Variants in MTA3 observed in about 807,000 individuals in gnomAD.
The protein encoded by MTA3 is metastasis-associated protein MTA3.
In MTA3, 34 loss-of-function variants were observed where a neutral mutation model predicts 83.5. That is an observed-to-expected ratio of 0.41 (90% CI 0.31 to 0.54). MTA3 has a LOEUF of 0.54. Ranked by LOEUF, MTA3 falls within the 20% of genes least tolerant of loss-of-function variation. MTA3 has a pLI of 0.33. For synonymous variants in MTA3, 303 were observed against 252.7 expected (o/e 1.20, Z -1.89); for missense variants, 761 against 726.4 (o/e 1.05, Z -0.55).
chr2:42,561,088 T>C (rs1677653938), intron 2 of MTA3, among the ~76,000 whole-genome samples: 1 of 152,180 alleles, frequency 6.6e-6, no homozygotes, highest in Non-Finnish European at 1.5e-5. Context: ...TTCCATGTCA[T>C]GATCAGGTCA....
intron 7 of MTA3, among the ~76,000 whole-genome samples, chr2:42,659,273 T>A (rs1371785137): frequency 5.3e-5 from 8 of 152,196 alleles, no homozygotes; most frequent in Non-Finnish European, 1.2e-4. Context: ...TCTTTTTAAA[T>A]GAGATTTTAG....
chr2:42,723,021 A>T lies in MTA3; in HGVS notation c.1745A>T (p.His582Leu), dbSNP rs1667540291. The T allele has an allele frequency of 1.3e-6, 2 of 1,550,870 alleles. No homozygotes were observed. Among genetic ancestry groups the T allele is most frequent in the Non-Finnish European group, 1.7e-6 (2 of 1,147,026 alleles). The change falls in exon 16 of 17, where the codon CAC (histidine) becomes CTC (leucine). Residue 582 changes from histidine (H) to leucine (L), a missense_variant. Transcript: ENST00000405094. ...CTGGGGAAAAGAAACTACAGTCATC[A>T]CAATGGTCTGGATGGTATGTAAGCC... ...SILGKRNYSH[H>L]NGLDELTCCV...
At chr2:42,598,426 G>T (rs973499561) in intron 3 of MTA3, among the ~76,000 whole-genome samples, 13 of 152,102 alleles carry the variant, frequency 8.5e-5, no homozygotes, top group African/African-American at 3.1e-4. Flanking sequence ...TATTTAGGTA[G>T]TCCAAAGTAT....
intron 2 of MTA3, among the ~76,000 whole-genome samples, chr2:42,532,026 G>GA (rs1199722325): frequency 6.6e-6 from 1 of 151,992 alleles, no homozygotes; most frequent in East Asian, 1.9e-4. Context: ...AAAGTGTTGG[G>GA]ATTATAGGTG....
intron 16 of MTA3, among the ~76,000 whole-genome samples, chr2:42,749,648 A>G (rs1341933258): frequency 6.6e-6 from 1 of 151,844 alleles, no homozygotes; most frequent in South Asian, 2.1e-4. Context: ...TTGTAGTTTT[A>G]GGAGAGACAG....
At chr2:42,596,383 T>C (rs1180407174) in intron 3 of MTA3, among the ~76,000 whole-genome samples, 1 of 152,248 alleles carries the variant, frequency 6.6e-6, no homozygotes, top group Non-Finnish European at 1.5e-5. Context: ...AGCATTAAAG[T>C]AATCAACTTT....
At chr2:42,700,903 T>C (rs1693807189) in intron 11 of MTA3, among the ~76,000 whole-genome samples, 1 of 152,060 alleles carries the variant, frequency 6.6e-6, no homozygotes, top group Admixed American at 6.6e-5. Flanking sequence ...GAGTTTGAGA[T>C]CAGTCTGCAC....
At chr2:42,567,673 T>C (rs1677981211), upstream of MTA3, among the ~76,000 whole-genome samples, 2 of 148,892 alleles carry the variant, frequency 1.3e-5, no homozygotes, top group South Asian at 4.2e-4. Flanking sequence ...TCTGTGAGAG[T>C]AGGAAGGCCG....
At chr2:42,586,057 A>G (rs11124885) in intron 3 of MTA3, among the ~76,000 whole-genome samples, 115,551 of 151,688 alleles carry the variant, frequency 0.76, 44,517 homozygotes, top group South Asian at 0.88. Context: ...GCCGAGGTGG[A>G]TGGATCACTG....
chr2:42,564,599 G>T (rs75662723), upstream of MTA3, among the ~76,000 whole-genome samples: 15 of 152,236 alleles, frequency 9.9e-5, no homozygotes, highest in East Asian at 2.9e-3. Context: ...AATAAGAGAA[G>T]AAGTTAATGA....
chr2:42,559,413 A>G (rs1457294907), intron 2 of MTA3, among the ~76,000 whole-genome samples: 1 of 151,102 alleles, frequency 6.6e-6, no homozygotes, highest in East Asian at 2.0e-4. Flanking sequence ...GAGATGGGAG[A>G]ATTGCTTGAA....
At chr2:42,527,437 T>C (rs1183519651) in intron 2 of MTA3, among the ~76,000 whole-genome samples, 1 of 152,204 alleles carries the variant, frequency 6.6e-6, no homozygotes, top group Non-Finnish European at 1.5e-5. Context: ...TTGCAAACTG[T>C]CCACTGCAAT....
chr2:42,729,493 A>C (rs1312324794), intron 16 of MTA3, among the ~76,000 whole-genome samples: 1 of 152,190 alleles, frequency 6.6e-6, no homozygotes, highest in Non-Finnish European at 1.5e-5. Flanking sequence ...ATTATTCTGC[A>C]TATGGCTATC....
chr2:42,690,135 C>G (rs1001156100), intron 9 of MTA3, among the ~76,000 whole-genome samples: 7 of 152,072 alleles, frequency 4.6e-5, no homozygotes, highest in South Asian at 2.1e-4. Flanking sequence ...CTACTGCACT[C>G]CAGCCTGGGC....
chr2:42,609,946 A>G (rs930062182), intron 4 of MTA3, among the ~76,000 whole-genome samples: 5 of 152,150 alleles, frequency 3.3e-5, no homozygotes, highest in African/African-American at 9.7e-5. Flanking sequence ...TAAAAATACA[A>G]AAAATTAGCT....
chr2:42,647,839 G>T (rs546686692), intron 6 of MTA3, among the ~76,000 whole-genome samples: 27 of 152,262 alleles, frequency 1.8e-4, no homozygotes, highest in Middle Eastern at 3.4e-3. Flanking sequence ...AAGGTTTAAA[G>T]AACTCTTCTT....
At chr2:42,639,116 A>G (rs1361175400) in intron 4 of MTA3, among the ~76,000 whole-genome samples, 1 of 146,478 alleles carries the variant, frequency 6.8e-6, no homozygotes, top group African/African-American at 2.5e-5. Flanking sequence ...GCTGGAGTGC[A>G]GTGGCACGAT....
chr2:42,536,234 G>A (rs867349306), intron 2 of MTA3, among the ~76,000 whole-genome samples: 29 of 152,178 alleles, frequency 1.9e-4, no homozygotes, highest in South Asian at 1.2e-3. Context: ...AGCACTTTGG[G>A]AGGCTGAGAT....
chr2:42,698,910 TTA>T (rs1476749895), intron 11 of MTA3, among the ~76,000 whole-genome samples: 4 of 152,186 alleles, frequency 2.6e-5, no homozygotes, highest in Non-Finnish European at 4.4e-5. Flanking sequence ...TCCTTCTAAA[TTA>T]TATGTTTTAT....
Sources: allele counts gnomAD v4.1 joint callset (sites outside exome capture counted in the v4.1 genomes callset), GRCh38; gene constraint gnomAD v4.1.1; transcripts MANE v1.5; gene names NCBI Gene and HGNC (gene_info 2026-07-23, HGNC 2026-07-21).